Variants in IL3RA observed in about 807,000 individuals in gnomAD.
The protein encoded by IL3RA is interleukin 3 receptor subunit alpha.
IL3RA carries 73 observed loss-of-function variants against 52.3 expected under a neutral mutation model. That is an observed-to-expected ratio of 1.40 (90% CI 1.16 to 1.70). The LOEUF is 1.70. IL3RA is among the 40% of genes most tolerant of loss of function. IL3RA has a pLI of 0.00. For missense variants in IL3RA, 664 were observed against 504.4 expected (o/e 1.32, Z -3.03); for synonymous variants, 260 against 194.0 (o/e 1.34, Z -2.83).
chrX:1,359,732 G>A (rs867704220), intron 8 of IL3RA, among the ~76,000 whole-genome samples: 8 of 91,622 alleles, frequency 8.7e-5, no homozygotes, highest in African/African-American at 2.2e-4. Flanking sequence ...CTCTCTCCCC[G>A]TTCCCATCTC....
intron 8 of IL3RA, among the ~76,000 whole-genome samples, chrX:1,362,086 G>C (rs1415152381): frequency 3.3e-5 from 5 of 149,506 alleles, no homozygotes; most frequent in Non-Finnish European, 7.4e-5. Flanking sequence ...TTCTATCTCT[G>C]TCTCTCTCTG....
intron 3 of IL3RA, 78 bp from the exon 4 acceptor site, chrX:1,348,353 C>T: frequency 1.7e-6 from 2 of 1,177,684 alleles, no homozygotes; most frequent in Non-Finnish European, 2.5e-6. Context: ...AACTCTGCCT[C>T]AAAAAAAATC....
chrX:1,356,196 C>G, intron 6 of IL3RA, 25 bp from the exon 7 acceptor site: 1 of 1,362,790 alleles, frequency 7.3e-7, no homozygotes, highest in Non-Finnish European at 1.0e-6. Context: ...CTCCTAAATC[C>G]TAAAAGTGTT....
At chrX:1,379,950 G>A (rs1301001400) in intron 10 of IL3RA, among the ~76,000 whole-genome samples, 1 of 152,172 alleles carries the variant, frequency 6.6e-6, no homozygotes, top group East Asian at 1.9e-4. Context: ...AGTAGAGATG[G>A]GGTTTCTCCG....
At chrX:1,357,411 G>A (rs2086822083) in intron 7 of IL3RA, among the ~76,000 whole-genome samples, 1 of 151,606 alleles carries the variant, frequency 6.6e-6, no homozygotes, top group South Asian at 2.1e-4. Flanking sequence ...CCCAGGCTGG[G>A]GTGCAGTGGC....
intron 9 of IL3RA, among the ~76,000 whole-genome samples, chrX:1,377,800 G>A (rs1459840178): frequency 2.7e-5 from 4 of 149,578 alleles, no homozygotes; most frequent in South Asian, 2.1e-4. Context: ...GAGGAGAATC[G>A]TTTGAATCCG....
chrX:1,348,673 T>G lies in IL3RA; in HGVS notation c.298+128T>G, dbSNP rs2085911685. The G allele has an allele frequency of 8.5e-6, 4 of 468,386 alleles. No homozygotes were observed. In the East Asian group the frequency reaches 1.2e-4, roughly 14 times the overall value. The allele number at this position is 468,386 out of a possible 1,614,324, so 29.0% of individuals were successfully genotyped here. ...TTCTTTCTTTCTTTCTTTCTTTCTTTCTTTCTTTCTTTCTTTCTTTTTCTT... is the reference window on the plus strand; with the variant it reads ...TTCTTTCTTTCTTTCTTTCTTTCTTGCTTTCTTTCTTTCTTTCTTTTTCTT... On this transcript the variant is annotated intron_variant, in intron 4 of 11. Coordinates refer to ENST00000331035, the MANE Select transcript of IL3RA (RefSeq NM_002183.4).
chrX:1,346,364 G>T (rs7064469), intron 3 of IL3RA, among the ~76,000 whole-genome samples: 4 of 151,490 alleles, frequency 2.6e-5, no homozygotes, highest in Non-Finnish European at 4.4e-5. Flanking sequence ...GCTTGAACCC[G>T]GGAGGCAGAG....
chrX:1,364,799 T>TTTATTTATTTAC (rs2087785791), intron 8 of IL3RA, among the ~76,000 whole-genome samples: 1 of 147,884 alleles, frequency 6.8e-6, no homozygotes, highest in African/African-American at 2.5e-5. Flanking sequence ...CTTTTATTTA[T>TTTATTTATTTAC]TTATTTATTT....
At chrX:1,342,893 G>A (rs17880099) in intron 2 of IL3RA, among the ~76,000 whole-genome samples, 135,855 of 150,996 alleles carry the variant, frequency 0.9, 61,412 homozygotes, top group Middle Eastern at 0.98. Flanking sequence ...TGACTAACAC[G>A]GTGAAACCCC....
At chrX:1,369,937 GC>G (rs2088476355) in intron 9 of IL3RA, among the ~76,000 whole-genome samples, 2 of 28,316 alleles carry the variant, frequency 7.1e-5, no homozygotes, top group East Asian at 8.7e-4. Context: ...AACCAGCCCT[GC>G]CCACACCTGG....
intron 4 of IL3RA, 26 bp downstream of exon 4, chrX:1,348,571 T>G (rs1210797484): frequency 2.0e-6 from 3 of 1,537,242 alleles, no homozygotes; most frequent in African/African-American, 1.4e-5. Context: ...ATTGTTTGTT[T>G]ATTCTCTATT....
rs140382175 is a variant in IL3RA, at chrX:1,345,808, C to T, written c.183+374C>T. ...CATGGCCCAGACTCTCTAATGTTGA[C>T]GAACAAGACGTTTCCGTCTTCTGCA... On this transcript the variant is annotated intron_variant, in intron 3 of 11. Transcript: ENST00000331035. Among the ~76,000 whole-genome samples, 868 of 151,982 alleles carry T rather than the reference C, an allele frequency of 5.7e-3. 9 individuals carry two copies. Among genetic ancestry groups the T allele is most frequent in the Admixed American group, 8.6e-3 (131 of 15,230 alleles).
At chrX:1,378,538 C>T (rs1457191617) in intron 9 of IL3RA, 121 bp from the exon 10 acceptor site, 4 of 818,050 alleles carry the variant, frequency 4.9e-6, no homozygotes, top group Admixed American at 4.4e-5. Context: ...GGTGTCCCCC[C>T]CTGGACGCCA....
chrX:1,381,898 G>A (rs193112034), intron 11 of IL3RA, among the ~76,000 whole-genome samples: 2 of 151,952 alleles, frequency 1.3e-5, no homozygotes, highest in East Asian at 4.0e-4. Context: ...GAAGGGCAGA[G>A]GAAAAGGAGG....
chrX:1,342,614 G>C (rs2085536698), intron 2 of IL3RA, among the ~76,000 whole-genome samples: 1 of 141,070 alleles, frequency 7.1e-6, no homozygotes, highest in African/African-American at 2.7e-5. Flanking sequence ...AGGCTGGAGT[G>C]TAATAGCGTG....
In IL3RA at chrX:1,345,444, ACTCT is replaced by A. The variant is rs763371047; in HGVS notation, c.183+13_183+16del. The stretch of plus-strand genomic sequence containing the variant: ...CGACTATTCTATGCCGGTAAATCAT[ACTCT>A]CTATTGTTTTTTTATTTTTATTTTA... On this transcript the variant is annotated intron_variant, in intron 3 of 11. Transcript: ENST00000331035. The A allele has an allele frequency of 4.5e-5, 67 of 1,483,424 alleles. No individual in the cohort carries two copies. The highest frequency in any genetic ancestry group is 1.1e-4 in the African/African-American group (8 of 70,532). 91.9% of individuals were successfully genotyped at this position (1,483,424 alleles called of 1,614,324 possible).
rs182134583 is a variant in IL3RA, at chrX:1,382,565, T to C, written c.*100T>C. 1.2e-3 allele frequency: 1,294 copies of C among 1,097,670 alleles called. 9 individuals carry two copies. In the African/African-American group the frequency reaches 0.017, roughly 14 times the overall value. The allele number at this position is 1,097,670 out of a possible 1,614,324, so 68.0% of individuals were successfully genotyped here. On this transcript the variant is annotated 3_prime_UTR_variant, in exon 12 of 12. Transcript: ENST00000331035. ...TGGACCTGCGCACGCAGCCCAGGAA[T>C]GGACATTCCTAACGGGTGGTGGGCA...
At chrX:1,367,559 G>C (rs1404368949) in intron 9 of IL3RA, among the ~76,000 whole-genome samples, 23 of 101,218 alleles carry the variant, frequency 2.3e-4, no homozygotes, top group Admixed American at 3.7e-4. Flanking sequence ...GGGTGCGCGG[G>C]GTGCGCCGGG....
Sources: allele counts gnomAD v4.1 joint callset (sites outside exome capture counted in the v4.1 genomes callset), GRCh38; gene constraint gnomAD v4.1.1; transcripts MANE v1.5; gene names NCBI Gene and HGNC (gene_info 2026-07-23, HGNC 2026-07-21).